SLC38A6: variants seen among roughly 807,000 people sequenced by gnomAD.
The protein encoded by SLC38A6 is N system amino acid transporter NAT-1.
SLC38A6 carries 73 observed loss-of-function variants against 65.0 expected under a neutral mutation model. The observed-to-expected ratio is 1.12, with a 90% CI of 0.93 to 1.37. The LOEUF is 1.37. Among genes scored for constraint, SLC38A6 ranks in the 40% most tolerant of loss-of-function variants. The pLI is 0.00. For synonymous variants in SLC38A6, 183 were observed against 178.8 expected, an observed-to-expected ratio of 1.02 and a Z score of -0.19; for missense variants, 561 against 531.1, an observed-to-expected ratio of 1.06 and a Z score of -0.55.
chr14:61,068,001 T>C (rs921900974), intron 15 of SLC38A6, among the ~76,000 whole-genome samples: 14 of 152,210 alleles, frequency 9.2e-5, no homozygotes, highest in African/African-American at 3.4e-4. Context: ...TGAGTTGTTA[T>C]TAATCTATAC....
At chr14:60,991,837 G>T (rs921097535) in intron 3 of SLC38A6, among the ~76,000 whole-genome samples, 1 of 152,164 alleles carries the variant, frequency 6.6e-6, no homozygotes. Context: ...TGAGGTCTAG[G>T]ACGACTTGTG....
At chr14:61,003,375 T>C (rs1219968101) in intron 3 of SLC38A6, among the ~76,000 whole-genome samples, 5 of 152,138 alleles carry the variant, frequency 3.3e-5, no homozygotes, top group African/African-American at 1.2e-4. Flanking sequence ...CCTACCATAA[T>C]TTATGTAACC....
intron 3 of SLC38A6, among the ~76,000 whole-genome samples, chr14:61,010,158 T>C (rs909414101): frequency 1.3e-5 from 2 of 152,172 alleles, no homozygotes; most frequent in Non-Finnish European, 2.9e-5. Context: ...TTTCATGTGT[T>C]TTTTGGCTGC....
intron 6 of SLC38A6, among the ~76,000 whole-genome samples, chr14:61,032,570 T>C (rs889077338): frequency 6.6e-6 from 1 of 151,910 alleles, no homozygotes; most frequent in Non-Finnish European, 1.5e-5. Context: ...CAAAATACTG[T>C]GGTCAGTTTG....
Position 60,988,317 on chromosome 14 carries a change from C to T in SLC38A6, c.310+3514C>T, listed in dbSNP as rs117297800. ...ATGAATGTATACCATCTACGGCTCTCCTTACTATTGTCATCTATAGACTCC... is the reference window on the plus strand; with the variant it reads ...ATGAATGTATACCATCTACGGCTCTTCTTACTATTGTCATCTATAGACTCC... On this transcript the variant is annotated intron_variant, in intron 3 of 15. Coordinates refer to ENST00000267488, the MANE Select transcript of SLC38A6 (RefSeq NM_153811.3). 4.0e-3 allele frequency among the ~76,000 whole-genome samples: 614 copies of T among 152,322 alleles called. 4 individuals are homozygous for T. The highest frequency in any genetic ancestry group is 6.5e-3 in the Non-Finnish European group (445 of 68,032).
chr14:61,008,938 A>G (rs1287248711), intron 3 of SLC38A6, among the ~76,000 whole-genome samples: 1 of 152,222 alleles, frequency 6.6e-6, no homozygotes, highest in African/African-American at 2.4e-5. Context: ...CTGTATAGTA[A>G]GAAGTAGGGA....
chr14:61,002,354 G>A (rs949850308), intron 3 of SLC38A6: 2 of 152,134 alleles, frequency 1.3e-5, no homozygotes, highest in Admixed American at 6.5e-5. Flanking sequence ...AAAGATCAGA[G>A]GAAAATGATA....
chr14:61,044,046 C>T (rs2041980330), intron 10 of SLC38A6, among the ~76,000 whole-genome samples: 1 of 152,102 alleles, frequency 6.6e-6, no homozygotes, highest in Non-Finnish European at 1.5e-5. Flanking sequence ...CCATAGGATA[C>T]TGGAAATGCC....
At chr14:61,008,734 A>G (rs1338106833) in intron 3 of SLC38A6, among the ~76,000 whole-genome samples, 1 of 152,198 alleles carries the variant, frequency 6.6e-6, no homozygotes, top group Non-Finnish European at 1.5e-5. Context: ...TTTTATGATG[A>G]CAAAAGAAAG....
chr14:61,067,490 C>T (rs1173597465), intron 15 of SLC38A6, among the ~76,000 whole-genome samples: 1 of 151,952 alleles, frequency 6.6e-6, no homozygotes, highest in Non-Finnish European at 1.5e-5. Context: ...TGTATTTTTC[C>T]CCGGAAAAAG....
intron 16 of SLC38A6, among the ~76,000 whole-genome samples, chr14:61,080,035 T>C (rs2043583003): frequency 6.6e-6 from 1 of 152,214 alleles, no homozygotes; most frequent in Non-Finnish European, 1.5e-5. Context: ...ATGATCAGGA[T>C]ACAGGTTTTA....
chr14:61,006,291 T>C (rs368240271), intron 3 of SLC38A6, among the ~76,000 whole-genome samples: 1,623 of 152,138 alleles, frequency 0.011, 24 homozygotes, highest in African/African-American at 0.03. Flanking sequence ...GTCTAAAACA[T>C]CAAAAGCAAT....
At chr14:61,015,171 C>A (rs1445644505) in intron 3 of SLC38A6, among the ~76,000 whole-genome samples, 1 of 152,194 alleles carries the variant, frequency 6.6e-6, no homozygotes, top group Non-Finnish European at 1.5e-5. Flanking sequence ...GGGCATAGGA[C>A]CCTCCGAGCC....
intron 6 of SLC38A6, among the ~76,000 whole-genome samples, chr14:61,032,232 A>C (rs1171218606): frequency 6.6e-6 from 1 of 151,636 alleles, no homozygotes; most frequent in Non-Finnish European, 1.5e-5. Context: ...TTTTTTCTTG[A>C]TCCTGAATTT....
intron 4 of SLC38A6, among the ~76,000 whole-genome samples, chr14:61,017,870 G>A (rs1320860111): frequency 6.6e-6 from 1 of 152,104 alleles, no homozygotes; most frequent in Non-Finnish European, 1.5e-5. Flanking sequence ...TTCCACAGTT[G>A]GGTTGAAACT....
intron 15 of SLC38A6, among the ~76,000 whole-genome samples, chr14:61,069,072 A>G (rs181281388): frequency 7.1e-4 from 108 of 152,262 alleles, no homozygotes; most frequent in African/African-American, 2.3e-3. Flanking sequence ...CAACTTTGCA[A>G]AAATTACCAC....
At chr14:60,992,720 T>C in intron 3 of SLC38A6, among the ~76,000 whole-genome samples, 1 of 152,030 alleles carries the variant, frequency 6.6e-6, no homozygotes. Flanking sequence ...AAAGTCTCGC[T>C]CTGTTGTCCA....
chr14:61,049,499 GAC>G (rs994026384), intron 12 of SLC38A6, among the ~76,000 whole-genome samples: 1 of 152,168 alleles, frequency 6.6e-6, no homozygotes, highest in African/African-American at 2.4e-5. Flanking sequence ...GGAACTGAGA[GAC>G]TCAGTGTAAG....
In SLC38A6 at chr14:61,069,491, C is replaced by G. The variant is rs571052447; in HGVS notation, c.1291-9319C>G. 2.0e-5 allele frequency among the ~76,000 whole-genome samples: 3 copies of G among 152,190 alleles called. No individual in the cohort carries two copies. The South Asian group carries it at 6.2e-4, about 32-fold the overall frequency. The stretch of plus-strand genomic sequence containing the variant: ...CTTAAACTGTTTTTTCTGTCTAGCA[C>G]TTGATTTGCCTTTTATTACCCTCTT... On this transcript the variant is annotated intron_variant, in intron 15 of 16. Transcript: ENST00000354886.
Sources: gnomAD v4.1 joint callset for allele counts (sites outside exome capture counted in the v4.1 genomes callset) on GRCh38, gnomAD v4.1.1 for gene constraint, MANE v1.5 for transcripts, NCBI Gene and HGNC (gene_info 2026-07-23, HGNC 2026-07-21) for gene names.